Variants in AP1M2 observed in about 807,000 individuals in gnomAD.
AP1M2 encodes the protein AP-1 complex subunit mu-2.
In AP1M2, 41 loss-of-function variants were observed where a neutral mutation model predicts 54.6. The observed-to-expected ratio is 0.75, with a 90% confidence interval of 0.59 to 0.97. AP1M2 has a LOEUF of 0.97. Among genes scored for constraint, AP1M2 ranks in the 50% least tolerant of loss-of-function variants. The pLI is 0.00. For missense variants in AP1M2, 507 were observed against 561.2 expected (o/e 0.90, Z 0.98); for synonymous variants, 219 against 215.9 (o/e 1.01, Z -0.13).
chr19:10,585,345 A>AAGAAAGAAAG (rs1917622966), intron 1 of AP1M2, among the ~76,000 whole-genome samples: 2 of 150,436 alleles, frequency 1.3e-5, no homozygotes, highest in Admixed American at 6.6e-5. Flanking sequence ...GAAAGAAAGA[A>AAGAAAGAAAG]AGAAAGAAAG....
chr19:10,581,118 A>T (rs1338897984), intron 6 of AP1M2, 148 bp downstream of exon 6: 1 of 1,188,744 alleles, frequency 8.4e-7, no homozygotes, highest in Non-Finnish European at 1.1e-6. Flanking sequence ...CTTTGCAGTC[A>T]GCCAATGGCT....
chr19:10,581,554 C>T lies in AP1M2; in HGVS notation c.479G>A (p.Arg160His), dbSNP rs751408678. ...CTTCTTATACTTGATACCCTCGGAG[C>T]GCCAGGACACAGCGTTGGTGACAGT... ...PPTVTNAVSW[R>H]SEGIKYKKNE... Residue 160 changes from arginine to histidine, a missense_variant, in exon 5 of 12, where the codon CGC becomes CAC. By Grantham distance (29) the Arg-to-His change is conservative. Transcript: ENST00000250244. The T allele has an allele frequency of 1.1e-5, 17 of 1,613,688 alleles. No homozygotes were observed. The highest frequency in any genetic ancestry group is 5.3e-5 in the African/African-American group (4 of 74,918).
In AP1M2 at chr19:10,576,195, G is replaced by T. The variant is rs138025099; in HGVS notation, c.1047+1003C>A. Among the ~76,000 whole-genome samples, 511 of 138,816 alleles carry T rather than the reference G, an allele frequency of 3.7e-3. 1 individual carries two copies. The highest frequency in any genetic ancestry group is 5.6e-3 in the Non-Finnish European group (362 of 64,910). 91.1% of individuals were successfully genotyped at this position (138,816 alleles called of 152,430 possible). A position where few individuals can be genotyped will look rare whatever the true frequency, so the allele number is the denominator to read the frequency against. On this transcript the variant is annotated intron_variant, in intron 9 of 11. Transcript: ENST00000250244. Reference sequence around the variant, plus strand: ...CAACCTCCGCCTCCCGGGTTCAAGTGATTCTCCTGCCTCAGCCTCCTGAGT... The same window carrying T: ...CAACCTCCGCCTCCCGGGTTCAAGTTATTCTCCTGCCTCAGCCTCCTGAGT...
intron 9 of AP1M2, 112 bp downstream of exon 9, chr19:10,577,086 C>T: frequency 8.0e-7 from 1 of 1,253,932 alleles, no homozygotes. Flanking sequence ...AGCCATCACA[C>T]CTGACTGGGT....
Position 10,577,327 on chromosome 19 carries a change from CACTG to C in AP1M2, c.914_917del (p.Ser305TrpfsTer36), listed in dbSNP as rs1418030797. Reference sequence around the variant, plus strand: ...GCACAGATATCTCCACACCGTTGGCCACTGACTGTTTCTTAAACTGCCCCTTGGC... The same window carrying C: ...GCACAGATATCTCCACACCGTTGGCCACTGTTTCTTAAACTGCCCCTTGGC... On this transcript the variant is annotated frameshift_variant, in exon 9 of 12. Coordinates refer to ENST00000250244, the MANE Select transcript of AP1M2 (RefSeq NM_005498.5). LOFTEE classifies it high-confidence loss of function. 6 of 1,610,194 alleles carry C rather than the reference CACTG, an allele frequency of 3.7e-6. No individual in the cohort carries two copies. Among genetic ancestry groups the C allele is most frequent in the East Asian group, 2.2e-5 (1 of 44,830 alleles).
At chr19:10,579,002 T>C (rs1392739917) in intron 7 of AP1M2, 39 bp from the exon 8 acceptor site, 3 of 1,339,844 alleles carry the variant, frequency 2.2e-6, no homozygotes, top group Non-Finnish European at 3.1e-6. Context: ...GGAGACTCCA[T>C]GTTGACTCTC....
At chr19:10,576,054 G>A (rs1252141307) in intron 9 of AP1M2, among the ~76,000 whole-genome samples, 3 of 148,084 alleles carry the variant, frequency 2.0e-5, no homozygotes, top group South Asian at 2.1e-4. Context: ...AATTACAGGC[G>A]TGAGCCACTG....
intron 3 of AP1M2, among the ~76,000 whole-genome samples, chr19:10,582,805 C>T (rs1185227108): frequency 7.6e-6 from 1 of 131,850 alleles, no homozygotes; most frequent in Non-Finnish European, 1.6e-5. Flanking sequence ...AAAAATTAGG[C>T]AAAAAAGGGC....
intron 1 of AP1M2, among the ~76,000 whole-genome samples, chr19:10,585,909 G>T (rs1008065376): frequency 6.6e-6 from 1 of 151,960 alleles, no homozygotes; most frequent in Non-Finnish European, 1.5e-5. Context: ...GAAGCAGGGG[G>T]ATAGCTGGGG....
intron 7 of AP1M2, 52 bp downstream of exon 7, chr19:10,579,664 C>A: frequency 1.9e-6 from 3 of 1,568,110 alleles, no homozygotes; most frequent in Non-Finnish European, 2.6e-6. Context: ...CAGGGTCGCT[C>A]TTCAGCCTAC....
intron 11 of AP1M2, 55 bp downstream of exon 11, chr19:10,574,362 C>A: frequency 1.4e-6 from 2 of 1,385,248 alleles, no homozygotes; most frequent in South Asian, 2.7e-5. Flanking sequence ...AGCCTCGAGT[C>A]CCTACCCACT....
chr19:10,581,672 G>A lies in AP1M2; in HGVS notation c.399-38C>T, dbSNP rs533071729. Reference sequence around the variant, plus strand: ...CGGCAGGGACAAGCAGCTGGACCCAGGGACACCTCCGTGGACCTCCTCCAG... The same window carrying A: ...CGGCAGGGACAAGCAGCTGGACCCAAGGACACCTCCGTGGACCTCCTCCAG... On this transcript the variant is annotated intron_variant, in intron 4 of 11. Transcript: ENST00000250244. 8.7e-6 allele frequency: 14 copies of A among 1,612,846 alleles called. 1 individual carries two copies. The African/African-American group carries it at 1.7e-4, about 20-fold the overall frequency.
intron 1 of AP1M2, among the ~76,000 whole-genome samples, chr19:10,585,281 A>AGG (rs1917602819): frequency 1.4e-4 from 3 of 21,490 alleles, no homozygotes; most frequent in African/African-American, 5.2e-4. Context: ...AGAAAGAAGA[A>AGG]AAAAAGAAAG....
At chr19:10,574,322 T>G in intron 11 of AP1M2, 95 bp downstream of exon 11, 2 of 1,034,164 alleles carry the variant, frequency 1.9e-6, no homozygotes, top group African/African-American at 1.6e-5. Flanking sequence ...ACCTGACCCT[T>G]GTTGGTTTTC....
chr19:10,585,169 C>G (rs1917587924), intron 1 of AP1M2: 1 of 150,072 alleles, frequency 6.7e-6, no homozygotes, highest in Admixed American at 6.7e-5. Flanking sequence ...GAGCTGTGGT[C>G]ATACTACTGC....
chr19:10,575,126 A>G, intron 9 of AP1M2, 97 bp from the exon 10 acceptor site: 1 of 1,269,706 alleles, frequency 7.9e-7, no homozygotes, highest in Non-Finnish European at 1.0e-6. Flanking sequence ...CTCACAGCCC[A>G]TTTCACAGAC....
intron 11 of AP1M2, among the ~76,000 whole-genome samples, chr19:10,574,075 T>G (rs1599545428): frequency 6.6e-6 from 1 of 152,076 alleles, no homozygotes; most frequent in Admixed American, 6.6e-5. Context: ...CAGGCAGGAG[T>G]GCAGTGGCAC....
chr19:10,573,406 G>A (rs898575651), intron 11 of AP1M2, among the ~76,000 whole-genome samples: 2 of 151,848 alleles, frequency 1.3e-5, no homozygotes, highest in African/African-American at 4.8e-5. Flanking sequence ...GCGACAGAGT[G>A]AGATTCCATC....
chr19:10,578,042 G>T (rs1387951776), intron 8 of AP1M2, among the ~76,000 whole-genome samples: 2 of 152,078 alleles, frequency 1.3e-5, no homozygotes, highest in Non-Finnish European at 2.9e-5. Flanking sequence ...AGCCTGAAGG[G>T]GTCATTTTGA....
Sources: gnomAD v4.1 joint callset for allele counts (sites outside exome capture counted in the v4.1 genomes callset) on GRCh38, gnomAD v4.1.1 for gene constraint, MANE v1.5 for transcripts, NCBI Gene and HGNC (gene_info 2026-07-23, HGNC 2026-07-21) for gene names.